The following SOS1 variants were observed in gnomAD, a reference collection of about 807,000 sequenced individuals.
SOS1 encodes the protein SOS Ras/Rac guanine nucleotide exchange factor 1, also known as son of sevenless homolog 1.
Under a neutral mutation model 157.6 loss-of-function variants are expected in SOS1, and 25 were observed. That is an observed-to-expected ratio of 0.16 (90% CI 0.12 to 0.22). The LOEUF (loss-of-function observed/expected upper bound fraction) is 0.22, where lower values mean the gene tolerates loss of function less well. Among genes scored for constraint, SOS1 ranks in the 10% least tolerant of loss-of-function variants. SOS1 has a pLI of 1.00. For missense variants in SOS1, 1,237 were observed against 1,599.1 expected, an observed-to-expected ratio of 0.77 and a Z score of 3.86; for synonymous variants, 528 against 534.0, an observed-to-expected ratio of 0.99 and a Z score of 0.16.
intron 1 of SOS1, among the ~76,000 whole-genome samples, chr2:39,097,301 G>T (rs965775449): frequency 6.6e-6 from 1 of 152,098 alleles, no homozygotes; most frequent in African/African-American, 2.4e-5. Flanking sequence ...TTTTTATCAG[G>T]TAGAATTTCC....
chr2:39,122,220 A>G (rs547150981), upstream of SOS1, among the ~76,000 whole-genome samples: 2 of 151,984 alleles, frequency 1.3e-5, no homozygotes, highest in Non-Finnish European at 2.9e-5. Context: ...ACCTGAGGTC[A>G]GGAGTTCCAG....
chr2:38,988,552 TAAAA>T (rs942814602), intron 21 of SOS1, among the ~76,000 whole-genome samples: 1 of 152,158 alleles, frequency 6.6e-6, no homozygotes, highest in Non-Finnish European at 1.5e-5. Context: ...ATATAGAACT[TAAAA>T]AGAGTACTTT....
intron 6 of SOS1, among the ~76,000 whole-genome samples, chr2:39,046,215 G>A (rs1327025452): frequency 6.6e-6 from 1 of 151,518 alleles, no homozygotes; most frequent in Non-Finnish European, 1.5e-5. Flanking sequence ...TTCCCTATCT[G>A]TACATTATAA....
upstream of SOS1, among the ~76,000 whole-genome samples, chr2:39,122,467 C>T (rs1193125926): frequency 1.3e-5 from 2 of 151,020 alleles, no homozygotes; most frequent in South Asian, 4.2e-4. Context: ...CACACACACA[C>T]ACACACATAC....
chr2:39,063,428 A>C (rs548330671), intron 2 of SOS1, among the ~76,000 whole-genome samples: 5 of 152,246 alleles, frequency 3.3e-5, no homozygotes, highest in Non-Finnish European at 7.3e-5. Flanking sequence ...ATCTTCAGGC[A>C]GCAGCCTGCA....
intron 3 of SOS1, among the ~76,000 whole-genome samples, chr2:39,058,234 A>C (rs1028723076): frequency 6.6e-6 from 1 of 152,036 alleles, no homozygotes; most frequent in African/African-American, 2.4e-5. Context: ...GATAAGTAGG[A>C]CTGGAGAGTT....
At chr2:39,038,715 A>G (rs1379604565) in intron 6 of SOS1, among the ~76,000 whole-genome samples, 4 of 140,534 alleles carry the variant, frequency 2.8e-5, no homozygotes, top group Admixed American at 7.5e-5. Context: ...GCCTGGCAAC[A>G]AAATGAGACT....
intron 8 of SOS1, among the ~76,000 whole-genome samples, chr2:39,034,375 A>AT (rs954411841): frequency 1.3e-5 from 2 of 152,244 alleles, no homozygotes; most frequent in African/African-American, 4.8e-5. Flanking sequence ...TATAAATATG[A>AT]TTTCCAGTAA....
intron 1 of SOS1, among the ~76,000 whole-genome samples, chr2:39,112,531 G>A (rs1274024734): frequency 6.6e-6 from 1 of 152,044 alleles, no homozygotes; most frequent in East Asian, 1.9e-4. Context: ...TTGAACTCCT[G>A]GTTTCAAGTG....
chr2:39,038,960 G>A (rs1330650255), intron 6 of SOS1, among the ~76,000 whole-genome samples: 7 of 152,024 alleles, frequency 4.6e-5, no homozygotes, highest in African/African-American at 7.2e-5. Flanking sequence ...AAGAAAGAGC[G>A]AACAGTTGTG....
Position 39,054,722 on chromosome 2 carries a change from C to A in SOS1, c.612G>T (p.Leu204Phe). The part of the protein sequence containing the change: ...STSGEQTYYD[L>F]VKAFMAEIRQ... ...GAATTTCTGCCATAAATGCTTTTAC[C>A]AAATCATAGTAAGTTTGTTCTCCTG... is the stretch of plus-strand genomic sequence containing the variant. The change falls in exon 5 of 23, where the codon TTG (leucine) becomes TTT (phenylalanine). Residue 204 changes from leucine to phenylalanine, a missense_variant. Leu to Phe is a conservative substitution (Grantham distance 22). Coordinates refer to ENST00000402219, the MANE Select transcript of SOS1 (RefSeq NM_005633.4). 6.3e-7 allele frequency: 1 copy of A among 1,594,438 alleles called. No homozygotes were observed. The highest frequency in any genetic ancestry group is 8.6e-7 in the Non-Finnish European group (1 of 1,162,282).
intron 6 of SOS1, among the ~76,000 whole-genome samples, chr2:39,045,852 G>A (rs1009344832): frequency 1.3e-5 from 2 of 152,022 alleles, no homozygotes; most frequent in Non-Finnish European, 2.9e-5. Context: ...GGGATTACAG[G>A]TGCACACCAC....
At chr2:39,077,320 CAAAAAAA>C (rs11362922) in intron 1 of SOS1, among the ~76,000 whole-genome samples, 1 of 138,498 alleles carries the variant, frequency 7.2e-6, no homozygotes, top group Admixed American at 7.2e-5. Context: ...ACTCCTTCTC[CAAAAAAA>C]AAAAAAAGAA....
chr2:39,115,591 A>C (rs1673620854), intron 1 of SOS1, among the ~76,000 whole-genome samples: 1 of 151,048 alleles, frequency 6.6e-6, no homozygotes, highest in African/African-American at 2.4e-5. Flanking sequence ...ATTTTTTTAA[A>C]TGTTTTGGCT....
At position 38,984,352 on chromosome 2, in the gene SOS1, T is replaced by C. The variant is rs1558453525; in HGVS notation, c.*1472A>G. The C allele has an allele frequency of 6.6e-6, 1 of 152,234 alleles. No individual in the cohort carries two copies. Among genetic ancestry groups the C allele is most frequent in the Admixed American group, 6.5e-5 (1 of 15,276 alleles). 9.4% of individuals were successfully genotyped at this position (152,234 alleles called of 1,614,324 possible). A position where few individuals can be genotyped will look rare whatever the true frequency, so the allele number is the denominator to read the frequency against. ...ACTCAGAAGAACAGTACATACGCTT[T>C]ATGAATAATCCATATTATGATAGTA... is the stretch of plus-strand genomic sequence containing the variant. On this transcript the variant is annotated 3_prime_UTR_variant, in exon 23 of 23. Coordinates refer to ENST00000402219, the MANE Select transcript of SOS1 (RefSeq NM_005633.4).
intron 10 of SOS1, among the ~76,000 whole-genome samples, chr2:39,015,390 T>TA (rs1283481936): frequency 6.6e-6 from 1 of 152,056 alleles, no homozygotes; most frequent in East Asian, 1.9e-4. Flanking sequence ...CACAACTACT[T>TA]AAAGATGCTT....
At chr2:39,122,581 G>T (rs974569657), upstream of SOS1, among the ~76,000 whole-genome samples, 8 of 152,018 alleles carry the variant, frequency 5.3e-5, no homozygotes, top group African/African-American at 1.9e-4. Flanking sequence ...CCAGGCTGGC[G>T]AGACCCATCT....
chr2:39,080,523 T>G (rs1396601476), intron 1 of SOS1, among the ~76,000 whole-genome samples: 1 of 152,216 alleles, frequency 6.6e-6, no homozygotes, highest in East Asian at 1.9e-4. Flanking sequence ...CAATGTATAT[T>G]TCAAAGCTTT....
chr2:39,080,634 A>C (rs922403231), intron 1 of SOS1, among the ~76,000 whole-genome samples: 1 of 152,246 alleles, frequency 6.6e-6, no homozygotes, highest in Non-Finnish European at 1.5e-5. Context: ...AAAGTAAACA[A>C]AAATACTCCT....
Sources: gnomAD v4.1 joint callset for allele counts (sites outside exome capture counted in the v4.1 genomes callset) on GRCh38, gnomAD v4.1.1 for gene constraint, MANE v1.5 for transcripts, NCBI Gene and HGNC (gene_info 2026-07-23, HGNC 2026-07-21) for gene names.